The following PGM2L1 variants were observed in gnomAD, a reference collection of about 807,000 sequenced individuals.
PGM2L1 encodes glucose 1,6-bisphosphate synthase.
A neutral mutation model predicts 73.4 loss-of-function variants in PGM2L1; 35 were observed. The ratio of observed to expected loss-of-function variants is 0.48; its 90% CI spans 0.36 to 0.63. PGM2L1 has a LOEUF of 0.63. PGM2L1 is among the 30% of genes least tolerant of loss of function. The pLI, the probability that PGM2L1 is intolerant of heterozygous loss-of-function variation, is 0.00. For synonymous variants in PGM2L1, 225 were observed against 253.8 expected (o/e 0.89, Z 1.08); for missense variants, 570 against 742.0 (o/e 0.77, Z 2.69).
intron 1 of PGM2L1, among the ~76,000 whole-genome samples, chr11:74,378,680 G>A (rs73554616): frequency 0.028 from 4,257 of 152,224 alleles, 189 homozygotes; most frequent in African/African-American, 0.098. Context: ...AAAAGAAAGT[G>A]TCTTCTTACA....
rs985688875 is a variant in PGM2L1 at position 74,368,648 on chromosome 11, G to A, written c.472-73C>T. The A allele has an allele frequency of 1.4e-5, 17 of 1,221,366 alleles. No homozygotes were observed. The African/African-American group carries it at 2.5e-4, about 18-fold the overall frequency. 75.7% of individuals were successfully genotyped at this position (1,221,366 alleles called of 1,614,324 possible). On this transcript the variant is annotated intron_variant, in intron 4 of 13. Transcript: ENST00000298198. ...ACACATTTGACATGAGAATAATTTT[G>A]ATTAAATAACAGGAAAAGCATTATA...
intron 4 of PGM2L1, among the ~76,000 whole-genome samples, chr11:74,369,269 C>A (rs1862712889): frequency 6.6e-6 from 1 of 152,076 alleles, no homozygotes; most frequent in African/African-American, 2.4e-5. Flanking sequence ...CAATAATAGA[C>A]CCACATGACA....
intron 1 of PGM2L1, among the ~76,000 whole-genome samples, chr11:74,383,609 C>T (rs1197884137): frequency 2.0e-5 from 3 of 151,792 alleles, no homozygotes; most frequent in Non-Finnish European, 4.4e-5. Flanking sequence ...CCCACGCCTC[C>T]CAGACAGGCC....
In PGM2L1 at chr11:74,342,528, G is replaced by T. The variant is rs146960261; in HGVS notation, c.1565C>A (p.Thr522Lys). ...GTCCCGTACATGCAATATAGCAAATGTTCCACAAAATTTTGGATATTCTTT... is the reference window on the plus strand; with the variant it reads ...GTCCCGTACATGCAATATAGCAAATTTTCCACAAAATTTTGGATATTCTTT... ...SPKEYPKFCG[T>K]FAILHVRDVT... The change falls in exon 12 of 14, where the codon ACA (threonine) becomes AAA (lysine). Residue 522 changes from threonine to lysine, a missense_variant. Thr to Lys is a moderately conservative substitution (Grantham distance 78, BLOSUM62 -1). Transcript: ENST00000298198. 6.2e-7 allele frequency: 1 copy of T among 1,609,640 alleles called. No homozygotes were observed. The highest frequency in any genetic ancestry group is 1.1e-5 in the South Asian group (1 of 90,090).
intron 5 of PGM2L1, among the ~76,000 whole-genome samples, chr11:74,365,338 T>C (rs1489384020): frequency 6.6e-6 from 1 of 151,486 alleles, no homozygotes; most frequent in East Asian, 1.9e-4. Context: ...CCAAAAGCAA[T>C]GGCAACAAAA....
rs1380640216 is a variant in PGM2L1, at chr11:74,331,265, T to TTTTG, written c.*5386_*5387insCAAA. The TTTTG allele has an allele frequency of 7.4e-5, 9 of 121,562 alleles. No individual in the cohort carries two copies. Among genetic ancestry groups the TTTTG allele is most frequent in the Non-Finnish European group, 1.2e-4 (7 of 60,610 alleles). The allele number at this position is 121,562 out of a possible 1,614,324, so 7.5% of individuals were successfully genotyped here. On this transcript the variant is annotated 3_prime_UTR_variant, in exon 14 of 14. Coordinates refer to ENST00000298198, the MANE Select transcript of PGM2L1 (RefSeq NM_173582.6). ...GGATATGTTCTATGTTTATATATCT[T>TTTTG]TTTTTTTTTTTTTTGAGATGGAGTT... is the stretch of plus-strand genomic sequence containing the variant.
intron 1 of PGM2L1, among the ~76,000 whole-genome samples, chr11:74,376,455 GTATA>G (rs200968433): frequency 1.3e-5 from 2 of 150,408 alleles, no homozygotes; most frequent in Non-Finnish European, 3.0e-5. Context: ...TAGTGTGTGT[GTATA>G]TATATATAGT....
At chr11:74,375,777 T>C (rs1274186552) in intron 1 of PGM2L1, among the ~76,000 whole-genome samples, 1 of 152,186 alleles carries the variant, frequency 6.6e-6, no homozygotes, top group East Asian at 1.9e-4. Flanking sequence ...ATGGATGATA[T>C]ATAAAATCCA....
Position 74,336,587 on chromosome 11 carries a change from T to C in PGM2L1, c.*65A>G, listed in dbSNP as rs1469064297. On this transcript the variant is annotated 3_prime_UTR_variant, in exon 14 of 14. Transcript: ENST00000298198. The stretch of plus-strand genomic sequence containing the variant: ...GAGAGAATGCTAACACAAGGTTCAA[T>C]GTATGCAGTTCTCGGTTGCTCTGTT... 1.0e-6 allele frequency: 1 copy of C among 988,416 alleles called. No individual in the cohort carries two copies. The highest frequency in any genetic ancestry group is 1.5e-6 in the Non-Finnish European group (1 of 670,296). 61.2% of individuals were successfully genotyped at this position (988,416 alleles called of 1,614,324 possible). A position where few individuals can be genotyped will look rare whatever the true frequency, so the allele number is the denominator to read the frequency against.
At chr11:74,354,797 A>G in intron 5 of PGM2L1, 1 of 987,730 alleles carries the variant, frequency 1.0e-6, no homozygotes, top group Non-Finnish European at 1.6e-6. Context: ...CCTGAAGAAC[A>G]TCACCTAAGA....
intron 1 of PGM2L1, among the ~76,000 whole-genome samples, chr11:74,385,775 A>G (rs1863009824): frequency 6.6e-6 from 1 of 152,168 alleles, no homozygotes. Context: ...GAAAGGAAAC[A>G]ATAATATGCT....
intron 1 of PGM2L1, among the ~76,000 whole-genome samples, chr11:74,385,217 C>T (rs1186168517): frequency 6.6e-6 from 1 of 152,174 alleles, no homozygotes; most frequent in Non-Finnish European, 1.5e-5. Flanking sequence ...ATCTTTCTAT[C>T]CTACAACACT....
intron 1 of PGM2L1, among the ~76,000 whole-genome samples, chr11:74,390,959 A>C (rs966116870): frequency 3.9e-5 from 6 of 152,190 alleles, no homozygotes; most frequent in Non-Finnish European, 7.3e-5. Context: ...GGGGACGAAG[A>C]AATGGGGAGT....
rs751742460 is a variant in PGM2L1 at position 74,346,270 on chromosome 11, C to CA, written c.1037+461dup. The stretch of plus-strand genomic sequence containing the variant: ...AGCAACAAGAGCGAAACTATGTCTC[C>CA]AAAAAAAAAAAAAAAAAAAAAAAAA... On this transcript the variant is annotated intron_variant, in intron 8 of 13. Transcript: ENST00000298198. Among the ~76,000 whole-genome samples the CA allele has an allele frequency of 9.3e-3, 536 of 57,874 alleles. 45 individuals are homozygous for CA. The highest frequency in any genetic ancestry group is 0.029 in the African/African-American group (421 of 14,616). The allele number at this position is 57,874 out of a possible 152,430, so 38.0% of individuals were successfully genotyped here.
At chr11:74,387,547 G>A (rs537473737) in intron 1 of PGM2L1, among the ~76,000 whole-genome samples, 1 of 152,256 alleles carries the variant, frequency 6.6e-6, no homozygotes, top group East Asian at 1.9e-4. Flanking sequence ...CATGGTTTCT[G>A]CATGCCTCCT....
chr11:74,346,344 A>G (rs1204165813), intron 8 of PGM2L1, among the ~76,000 whole-genome samples: 1 of 150,806 alleles, frequency 6.6e-6, no homozygotes, highest in Admixed American at 6.6e-5. Context: ...TCATAAAGCG[A>G]TCTGTTGGGA....
intron 4 of PGM2L1, among the ~76,000 whole-genome samples, chr11:74,369,944 G>A (rs1042872693): frequency 4.0e-5 from 6 of 151,858 alleles, no homozygotes; most frequent in African/African-American, 9.7e-5. Context: ...ATGGGGTTTC[G>A]TTGTGTTGGT....
chr11:74,339,124 AC>A (rs148693967), intron 12 of PGM2L1, among the ~76,000 whole-genome samples: 81 of 152,232 alleles, frequency 5.3e-4, no homozygotes, highest in African/African-American at 2.0e-3. Context: ...AGAGTAAACA[AC>A]CCATTCAAGA....
At chr11:74,364,878 T>C (rs1427431157) in intron 5 of PGM2L1, among the ~76,000 whole-genome samples, 1 of 152,044 alleles carries the variant, frequency 6.6e-6, no homozygotes, top group Non-Finnish European at 1.5e-5. Flanking sequence ...AAAGTTCATA[T>C]GGAACCAAAA....
Sources: allele counts gnomAD v4.1 joint callset (sites outside exome capture counted in the v4.1 genomes callset), GRCh38; gene constraint gnomAD v4.1.1; transcripts MANE v1.5; gene names NCBI Gene and HGNC (gene_info 2026-07-23, HGNC 2026-07-21).